Variants in PTER observed in about 807,000 individuals in gnomAD.
PTER encodes the protein N-acetyltaurine hydrolase.
In PTER, 38 loss-of-function variants were observed where a neutral mutation model predicts 29.6. The ratio of observed to expected loss-of-function variants is 1.28; its 90% CI spans 0.99 to 1.68. The LOEUF (loss-of-function observed/expected upper bound fraction) is 1.68, where lower values mean the gene tolerates loss of function less well. Ranked by LOEUF, PTER falls within the 40% of genes most tolerant of loss-of-function variation. The pLI, the probability that PTER is intolerant of heterozygous loss-of-function variation, is 0.00. For synonymous variants in PTER, 172 were observed against 154.5 expected, an observed-to-expected ratio of 1.11 and a Z score of -0.84; for missense variants, 482 against 427.8, an observed-to-expected ratio of 1.13 and a Z score of -1.12.
intron 1 of PTER, among the ~76,000 whole-genome samples, chr10:16,454,313 G>A (rs953790130): frequency 4.6e-5 from 7 of 152,102 alleles, no homozygotes; most frequent in Non-Finnish European, 1.0e-4. Context: ...GGTGGCTCAC[G>A]CCTGTAATCC....
At chr10:16,503,740 A>T (rs147051304) in intron 3 of PTER, among the ~76,000 whole-genome samples, 2 of 152,152 alleles carry the variant, frequency 1.3e-5, no homozygotes, top group South Asian at 4.1e-4. Context: ...TGGTTTCACT[A>T]TGTTGGCTAG....
intron 2 of PTER, 90 bp downstream of exon 2, chr10:16,484,906 C>T: frequency 7.2e-7 from 1 of 1,379,848 alleles, no homozygotes; most frequent in Non-Finnish European, 9.6e-7. Context: ...GGTAGCTGGG[C>T]ATGCTACGGA....
chr10:16,469,200 A>G (rs893225732), intron 1 of PTER, among the ~76,000 whole-genome samples: 1 of 152,126 alleles, frequency 6.6e-6, no homozygotes, highest in African/African-American at 2.4e-5. Context: ...TGGATTTGCA[A>G]GCTGAGAGCA....
intron 1 of PTER, among the ~76,000 whole-genome samples, chr10:16,457,109 A>G (rs1834430485): frequency 6.6e-6 from 1 of 152,212 alleles, no homozygotes; most frequent in African/African-American, 2.4e-5. Flanking sequence ...AGAGTGAATT[A>G]GTGAATACAA....
At chr10:16,480,783 A>G (rs1835451949) in intron 1 of PTER, among the ~76,000 whole-genome samples, 1 of 152,194 alleles carries the variant, frequency 6.6e-6, no homozygotes. Flanking sequence ...GTGAAACTAA[A>G]CTAAAATTGC....
intron 1 of PTER, among the ~76,000 whole-genome samples, chr10:16,440,033 G>A (rs1833790426): frequency 6.7e-6 from 1 of 150,046 alleles, no homozygotes; most frequent in Non-Finnish European, 1.5e-5. Flanking sequence ...GTTGTTTCTA[G>A]TGTATTTTCA....
At chr10:16,502,096 A>G (rs904458450) in intron 3 of PTER, among the ~76,000 whole-genome samples, 2 of 152,310 alleles carry the variant, frequency 1.3e-5, no homozygotes, top group African/African-American at 4.8e-5. Context: ...AAAATTTAGG[A>G]AAGTTATTCT....
intron 3 of PTER, among the ~76,000 whole-genome samples, chr10:16,493,312 C>T (rs1045835025): frequency 6.6e-6 from 1 of 152,262 alleles, no homozygotes; most frequent in East Asian, 1.9e-4. Context: ...ATCGTGATAT[C>T]GTTAAGTAGT....
intron 1 of PTER, among the ~76,000 whole-genome samples, chr10:16,444,263 G>A (rs950558987): frequency 6.6e-6 from 1 of 152,018 alleles, no homozygotes. Context: ...AAAGTGCTGG[G>A]ATTACAGGCA....
At chr10:16,473,451 C>T (rs184304503) in intron 1 of PTER, among the ~76,000 whole-genome samples, 235 of 124,198 alleles carry the variant, frequency 1.9e-3, no homozygotes, top group Non-Finnish European at 3.0e-3. Context: ...ACCCGGGAGG[C>T]GGAGGTTGCA....
intron 1 of PTER, among the ~76,000 whole-genome samples, chr10:16,454,589 C>T (rs533556645): frequency 4.6e-5 from 7 of 151,872 alleles, no homozygotes; most frequent in African/African-American, 1.7e-4. Context: ...AAAAATTAAC[C>T]TATTGAATTA....
chr10:16,469,710 G>A lies in PTER; in HGVS notation c.-48-14627G>A, dbSNP rs146192693. Among the ~76,000 whole-genome samples the A allele has an allele frequency of 5.2e-3, 792 of 152,042 alleles. 9 individuals are homozygous for A. The highest frequency in any genetic ancestry group is 0.018 in the African/African-American group (749 of 41,492). ...CTGCCTCAGCCTCCTGTGTAGGTGG[G>A]ACCACAGGTGCATGTCACCATGGCT... is the stretch of plus-strand genomic sequence containing the variant. On this transcript the variant is annotated intron_variant, in intron 1 of 4. Coordinates refer to ENST00000535784, the MANE Select transcript of PTER (RefSeq NM_001261836.2).
At chr10:16,451,526 T>G (rs1834206971) in intron 1 of PTER, among the ~76,000 whole-genome samples, 2 of 152,098 alleles carry the variant, frequency 1.3e-5, no homozygotes, top group South Asian at 4.1e-4. Flanking sequence ...CTGGCCAACA[T>G]TACTAAACCC....
downstream of PTER, among the ~76,000 whole-genome samples, chr10:16,515,818 A>T (rs796860342): frequency 4.5e-4 from 69 of 152,294 alleles, no homozygotes; most frequent in African/African-American, 1.5e-3. Flanking sequence ...CTATTCCACT[A>T]TAATGATATT....
chr10:16,438,963 T>A (rs1266396136), intron 1 of PTER, among the ~76,000 whole-genome samples: 1 of 149,566 alleles, frequency 6.7e-6, no homozygotes, highest in Admixed American at 6.7e-5. Context: ...AGGTCGCTAG[T>A]GGATGTAATA....
intron 1 of PTER, among the ~76,000 whole-genome samples, chr10:16,476,994 C>T (rs1835294039): frequency 6.7e-6 from 1 of 149,632 alleles, no homozygotes; most frequent in Non-Finnish European, 1.5e-5. Context: ...CAGCCTCTGG[C>T]TTCCAGGCTC....
At chr10:16,456,451 A>C (rs1195936679) in intron 1 of PTER, among the ~76,000 whole-genome samples, 2 of 152,226 alleles carry the variant, frequency 1.3e-5, no homozygotes, top group Non-Finnish European at 1.5e-5. Context: ...TGTCATTGAC[A>C]TAGGGTAGTC....
chr10:16,476,901 C>CTCTCTCTCTTTTTTTTTTTTTTT (rs1214090481), intron 1 of PTER, among the ~76,000 whole-genome samples: 2 of 100,368 alleles, frequency 2.0e-5, no homozygotes, highest in African/African-American at 9.0e-5. Flanking sequence ...TCCTAGAATT[C>CTCTCTCTCTTTTTTTTTTTTTTT]TTTTTTTTTT....
chr10:16,474,999 G>A (rs1835207546), intron 1 of PTER, among the ~76,000 whole-genome samples: 1 of 152,150 alleles, frequency 6.6e-6, no homozygotes, highest in African/African-American at 2.4e-5. Flanking sequence ...GTTTGCAGAT[G>A]GTCATCTTGC....
Sources: gnomAD v4.1 joint callset for allele counts (sites outside exome capture counted in the v4.1 genomes callset) on GRCh38, gnomAD v4.1.1 for gene constraint, MANE v1.5 for transcripts, NCBI Gene and HGNC (gene_info 2026-07-23, HGNC 2026-07-21) for gene names.